Variants in CHODL observed in about 807,000 individuals in gnomAD.
The protein encoded by CHODL is chondrolectin, also known as transmembrane protein MT75.
A neutral mutation model predicts 34.5 loss-of-function variants in CHODL; 29 were observed. That is an observed-to-expected ratio of 0.84 (90% CI 0.63 to 1.15). CHODL has a LOEUF of 1.15. Among genes scored for constraint, CHODL ranks in the 50% most tolerant of loss-of-function variants. CHODL has a pLI of 0.00. For synonymous variants in CHODL, 125 were observed against 116.1 expected (o/e 1.08, Z -0.49); for missense variants, 332 against 332.5 (o/e 1.00, Z 0.01).
At chr21:18,176,994 A>G (rs369614013) in intron 2 of CHODL, among the ~76,000 whole-genome samples, 2 of 152,180 alleles carry the variant, frequency 1.3e-5, no homozygotes, top group East Asian at 3.9e-4. Context: ...AGGGATTAGA[A>G]GGAATCCATT....
intron 2 of CHODL, among the ~76,000 whole-genome samples, chr21:18,192,064 G>C (rs550081406): frequency 9.5e-4 from 145 of 152,276 alleles, no homozygotes; most frequent in Non-Finnish European, 1.8e-3. Context: ...TATGTGTAAG[G>C]TGTCATTGAA....
chr21:18,057,127 A>G (rs1401850388), intron 2 of CHODL, among the ~76,000 whole-genome samples: 1 of 152,188 alleles, frequency 6.6e-6, no homozygotes, highest in African/African-American at 2.4e-5. Context: ...TTGTGTTCCA[A>G]TTTCATCCTT....
At chr21:18,099,839 C>A (rs2065190341) in intron 2 of CHODL, 1 of 152,096 alleles carries the variant, frequency 6.6e-6, no homozygotes, top group Non-Finnish European at 1.5e-5. Flanking sequence ...CACATGTATT[C>A]CAGGACACTA....
chr21:17,942,122 TA>T lies in CHODL; in HGVS notation c.-145+24728del, dbSNP rs372393178. On this transcript the variant is annotated intron_variant, in intron 1 of 6. Coordinates refer to the CHODL transcript ENST00000400127. ...TGCAGATAGAAAAAGTATGTAATAGTAAAAAAGTGTAAAAAACAAGCAAAGA... is the reference window on the plus strand; with the variant it reads ...TGCAGATAGAAAAAGTATGTAATAGTAAAAAGTGTAAAAAACAAGCAAAGA... 9.5e-4 allele frequency among the ~76,000 whole-genome samples: 145 copies of T among 152,142 alleles called. 3 individuals are homozygous for T. In the South Asian group the frequency reaches 0.018, roughly 19 times the overall value.
At chr21:18,261,393 C>T (rs1601224871) in intron 4 of CHODL, among the ~76,000 whole-genome samples, 1 of 150,646 alleles carries the variant, frequency 6.6e-6, no homozygotes, top group East Asian at 2.0e-4. Context: ...AGGCTGGGCG[C>T]AGTGGCTCAC....
chr21:18,251,563 T>A (rs1465087473), intron 1 of CHODL, among the ~76,000 whole-genome samples: 390 of 35,100 alleles, frequency 0.011, 9 homozygotes, highest in African/African-American at 0.033. Context: ...ATTTATTTTA[T>A]TTATTTATTT....
At chr21:17,952,612 A>G (rs1222699383) in intron 1 of CHODL, among the ~76,000 whole-genome samples, 1 of 152,208 alleles carries the variant, frequency 6.6e-6, no homozygotes, top group Non-Finnish European at 1.5e-5. Flanking sequence ...AAATGATACC[A>G]GATATAAACT....
At chr21:17,987,142 T>C (rs913872553) in intron 1 of CHODL, among the ~76,000 whole-genome samples, 2 of 152,140 alleles carry the variant, frequency 1.3e-5, no homozygotes, top group Non-Finnish European at 2.9e-5. Flanking sequence ...GAGGAGGTTA[T>C]AGCTGCTTTC....
At chr21:17,919,194 C>G (rs2063164699) in intron 1 of CHODL, among the ~76,000 whole-genome samples, 1 of 152,208 alleles carries the variant, frequency 6.6e-6, no homozygotes. Flanking sequence ...GCCCTCTTCT[C>G]ACAGCTGCAC....
chr21:18,091,486 T>C (rs1300269965), intron 2 of CHODL, among the ~76,000 whole-genome samples: 2 of 152,130 alleles, frequency 1.3e-5, no homozygotes, highest in Admixed American at 6.6e-5. Context: ...GAGAGCAAAG[T>C]GTATGGAGGA....
At chr21:18,110,960 CT>C (rs1246813900) in intron 2 of CHODL, among the ~76,000 whole-genome samples, 1 of 152,048 alleles carries the variant, frequency 6.6e-6, no homozygotes, top group African/African-American at 2.4e-5. Context: ...GATCTCTTGT[CT>C]TGCCCTATAT....
chr21:18,202,065 A>G (rs1190167649), intron 2 of CHODL, among the ~76,000 whole-genome samples: 2 of 152,140 alleles, frequency 1.3e-5, no homozygotes, highest in African/African-American at 2.4e-5. Context: ...TCGGTCTCCC[A>G]AAGTGCTGGG....
intron 1 of CHODL, among the ~76,000 whole-genome samples, chr21:17,933,828 C>G (rs948185237): frequency 4.1e-4 from 63 of 151,986 alleles, no homozygotes; most frequent in African/African-American, 1.5e-3. Context: ...ATCATGAGGT[C>G]AAGAGATTGA....
At chr21:18,020,571 A>C (rs577893766) in intron 1 of CHODL, among the ~76,000 whole-genome samples, 2 of 152,312 alleles carry the variant, frequency 1.3e-5, no homozygotes, top group East Asian at 3.9e-4. Context: ...AAATAAATTT[A>C]CACCTTTTAT....
At chr21:17,967,466 T>C (rs150168341) in intron 1 of CHODL, among the ~76,000 whole-genome samples, 3 of 152,320 alleles carry the variant, frequency 2.0e-5, no homozygotes, top group African/African-American at 7.2e-5. Flanking sequence ...AGTGTTTTTA[T>C]TTTCAGTTTC....
intron 2 of CHODL, among the ~76,000 whole-genome samples, chr21:18,174,120 G>GGT (rs72095730): frequency 4.1e-4 from 6 of 14,764 alleles, no homozygotes; most frequent in African/African-American, 8.9e-4. Flanking sequence ...TATATATCTT[G>GGT]GTGTATATAT....
intron 1 of CHODL, among the ~76,000 whole-genome samples, chr21:17,991,052 C>G (rs565582746): frequency 6.6e-6 from 1 of 152,026 alleles, no homozygotes. Context: ...TGAGTGAGAA[C>G]GTTTGATATT....
chr21:18,005,595 A>G (rs1415748066), intron 1 of CHODL, among the ~76,000 whole-genome samples: 2 of 152,244 alleles, frequency 1.3e-5, no homozygotes, highest in Non-Finnish European at 2.9e-5. Context: ...AAATGACGTG[A>G]CATTCTCAGA....
intron 1 of CHODL, among the ~76,000 whole-genome samples, chr21:17,949,997 C>A (rs2063442984): frequency 6.6e-6 from 1 of 151,984 alleles, no homozygotes; most frequent in Admixed American, 6.6e-5. Context: ...ATACCAAAAA[C>A]CAAAATCAAA....
Sources: allele counts gnomAD v4.1 joint callset (sites outside exome capture counted in the v4.1 genomes callset), GRCh38; gene constraint gnomAD v4.1.1; transcripts MANE v1.5; gene names NCBI Gene and HGNC (gene_info 2026-07-23, HGNC 2026-07-21).